The following RYK variants were observed in gnomAD, a reference collection of about 807,000 sequenced individuals.
The protein encoded by RYK is inactive tyrosine-protein kinase RYK.
RYK carries 21 observed loss-of-function variants against 70.2 expected under a neutral mutation model. The observed-to-expected ratio is 0.30, with a 90% CI of 0.21 to 0.43. The LOEUF is 0.43. Ranked by LOEUF, RYK falls within the 20% of genes least tolerant of loss-of-function variation. The pLI is 1.00. For synonymous variants in RYK, 267 were observed against 278.0 expected (o/e 0.96, Z 0.39); for missense variants, 604 against 753.3 (o/e 0.80, Z 2.32).
At chr3:134,205,048 C>T (rs2014173791) in intron 5 of RYK, among the ~76,000 whole-genome samples, 1 of 151,880 alleles carries the variant, frequency 6.6e-6, no homozygotes, top group Admixed American at 6.6e-5. Context: ...ATGGATTGTA[C>T]CAAAGTAGAA....
chr3:134,161,253 A>G (rs2012461927), intron 13 of RYK, among the ~76,000 whole-genome samples: 1 of 152,230 alleles, frequency 6.6e-6, no homozygotes, highest in African/African-American at 2.4e-5. Flanking sequence ...TAAACATGAA[A>G]TGATATAATA....
At chr3:134,198,618 G>C (rs902793177) in intron 6 of RYK, among the ~76,000 whole-genome samples, 1 of 152,194 alleles carries the variant, frequency 6.6e-6, no homozygotes, top group African/African-American at 2.4e-5. Context: ...GTGAGCCCCA[G>C]TGACAGCTCA....
intron 9 of RYK, 138 bp from the exon 10 acceptor site, chr3:134,183,209 G>T: frequency 2.3e-6 from 1 of 443,682 alleles, no homozygotes; most frequent in Non-Finnish European, 3.9e-6. Flanking sequence ...AATCTAAATA[G>T]ATCTAGATAA....
At chr3:134,215,354 TGAG>T (rs938052714) in intron 2 of RYK, among the ~76,000 whole-genome samples, 2 of 152,124 alleles carry the variant, frequency 1.3e-5, no homozygotes, top group African/African-American at 2.4e-5. Flanking sequence ...TGCAAAGGGC[TGAG>T]GAGGAGATTT....
At chr3:134,162,487 A>G (rs75549128) in intron 13 of RYK, among the ~76,000 whole-genome samples, 13,118 of 152,172 alleles carry the variant, frequency 0.086, 1,166 homozygotes, top group South Asian at 0.32. Flanking sequence ...CGACAGATGG[A>G]GAAGCGTGTA....
At chr3:134,183,766 CAAAAA>C (rs1044753465) in intron 9 of RYK, among the ~76,000 whole-genome samples, 2 of 151,972 alleles carry the variant, frequency 1.3e-5, no homozygotes, top group South Asian at 4.2e-4. Flanking sequence ...TGTTCAATGG[CAAAAA>C]AACTCAACCA....
chr3:134,202,956 T>C (rs1316179777), intron 5 of RYK, 82 bp from the exon 6 acceptor site: 1 of 1,145,618 alleles, frequency 8.7e-7, no homozygotes, highest in Non-Finnish European at 1.3e-6. Flanking sequence ...ATAAGTATTC[T>C]GTTCTTTTCA....
At chr3:134,222,287 A>T in intron 2 of RYK, 131 bp downstream of exon 2, 1 of 912,340 alleles carries the variant, frequency 1.1e-6, no homozygotes. Flanking sequence ...AAATCTGAAA[A>T]GACTCAGTAC....
chr3:134,208,607 C>G (rs2014285822), intron 4 of RYK, among the ~76,000 whole-genome samples: 1 of 152,020 alleles, frequency 6.6e-6, no homozygotes, highest in Non-Finnish European at 1.5e-5. Context: ...TGGCATGTAC[C>G]CAGACATTAG....
intron 9 of RYK, among the ~76,000 whole-genome samples, chr3:134,187,765 G>A (rs1035898800): frequency 7.7e-5 from 11 of 142,986 alleles, no homozygotes; most frequent in Non-Finnish European, 9.0e-5. Flanking sequence ...TTGCTATATC[G>A]CCCAGGCCGA....
At chr3:134,250,357 GCC>G in intron 1 of RYK, 64 bp downstream of exon 1, 1 of 1,057,886 alleles carries the variant, frequency 9.5e-7, no homozygotes, top group Non-Finnish European at 1.2e-6. Context: ...AGACTGATCC[GCC>G]GGCGGCCGGA....
chr3:134,226,603 T>C (rs912986662), intron 1 of RYK, among the ~76,000 whole-genome samples: 1 of 152,054 alleles, frequency 6.6e-6, no homozygotes, highest in Non-Finnish European at 1.5e-5. Context: ...CACAAAATAT[T>C]AGCAAATTCA....
chr3:134,250,358 C>A, intron 1 of RYK, 65 bp downstream of exon 1: 1 of 1,070,228 alleles, frequency 9.3e-7, no homozygotes, highest in Non-Finnish European at 1.2e-6. Context: ...GACTGATCCG[C>A]CGGCGGCCGG....
intron 1 of RYK, among the ~76,000 whole-genome samples, chr3:134,247,221 A>C (rs2015489094): frequency 6.6e-6 from 1 of 152,234 alleles, no homozygotes; most frequent in African/African-American, 2.4e-5. Context: ...TGGAGGATTT[A>C]AGAGAGAAAT....
At chr3:134,192,458 A>G (rs1175335463) in intron 7 of RYK, among the ~76,000 whole-genome samples, 1 of 148,074 alleles carries the variant, frequency 6.8e-6, no homozygotes, top group Admixed American at 8.2e-5. Flanking sequence ...TTTCAAACAG[A>G]AAGTTATTTT....
At chr3:134,168,324 A>G (rs181201358) in intron 13 of RYK, among the ~76,000 whole-genome samples, 3 of 152,314 alleles carry the variant, frequency 2.0e-5, no homozygotes, top group Admixed American at 2.0e-4. Context: ...ATGCACACGT[A>G]TGTTTATTGA....
chr3:134,184,440 T>C (rs905517385), intron 9 of RYK, among the ~76,000 whole-genome samples: 2 of 152,114 alleles, frequency 1.3e-5, no homozygotes, highest in Non-Finnish European at 2.9e-5. Flanking sequence ...ATTTCTCCAC[T>C]GCTTGAAAAG....
chr3:134,250,626 G>C lies in RYK; in HGVS notation c.29C>G (p.Pro10Arg). 2.0e-6 allele frequency: 2 copies of C among 991,264 alleles called. No homozygotes were observed. Among genetic ancestry groups the C allele is most frequent in the Non-Finnish European group, 2.4e-6 (2 of 835,206 alleles). 61.4% of individuals were successfully genotyped at this position (991,264 alleles called of 1,614,324 possible). Residue 10 changes from proline (P) to arginine (R), a missense_variant, in exon 1 of 15, where the codon CCG becomes CGG. Pro to Arg is a moderately radical substitution (Grantham distance 103, BLOSUM62 -2). Around this residue, in one of 2 missense-constraint regions of RYK, gnomAD observed 466 missense variants for 535.9 expected, o/e 0.87. Coordinates refer to ENST00000623711, the MANE Select transcript of RYK (RefSeq NM_002958.4). ...GGCCCCCGGGAGGCAACTCCGGCCC[G>C]GCCGCCCCAGCCGCGCCGCCCCACG... Reference protein sequence around the residue: MRGAARLGRPGRSCLPGARG... With the variant: MRGAARLGRRGRSCLPGARG...
rs1349150990 is a variant in RYK, at chr3:134,159,312, A to G, written c.1637T>C (p.Ile546Thr). Reference sequence around the variant, plus strand: ...GTATGCGGCCATCTCGAAGGGGTCAATGTCCACGTAGGGAGTCTGGCCCAG... The same window carrying G: ...GTATGCGGCCATCTCGAAGGGGTCAGTGTCCACGTAGGGAGTCTGGCCCAG... The part of the protein sequence containing the change: ...MTLGQTPYVD[I>T]DPFEMAAYLK... Residue 546 changes from isoleucine (I) to threonine (T), a missense_variant, in exon 14 of 15, where the codon ATT becomes ACT. Coordinates refer to ENST00000623711, the MANE Select transcript of RYK (RefSeq NM_002958.4). The G allele has an allele frequency of 2.5e-6, 4 of 1,613,954 alleles. No homozygotes were observed. The highest frequency in any genetic ancestry group is 1.7e-5 in the Admixed American group (1 of 60,028).
Sources: gnomAD v4.1 joint callset for allele counts (sites outside exome capture counted in the v4.1 genomes callset) on GRCh38, gnomAD v4.1.1 for gene constraint, gnomAD v4.1.1 regional missense constraint, MANE v1.5 for transcripts, NCBI Gene and HGNC (gene_info 2026-07-23, HGNC 2026-07-21) for gene names.